Variants in ANTXRL observed in about 807,000 individuals in gnomAD.
ANTXRL encodes the protein ANTXR like.
ANTXRL carries 63 observed loss-of-function variants against 75.4 expected under a neutral mutation model. That is an observed-to-expected ratio of 0.84 (90% CI 0.68 to 1.03). The LOEUF is 1.03. Ranked by LOEUF, ANTXRL falls within the 50% of genes least tolerant of loss-of-function variation. ANTXRL has a pLI of 0.00. For missense variants in ANTXRL, 797 were observed against 789.4 expected (o/e 1.01, Z -0.12); for synonymous variants, 335 against 291.3 (o/e 1.15, Z -1.53).
chr10:46,310,750 G>A (rs782371626), intron 14 of ANTXRL, among the ~76,000 whole-genome samples: 48 of 152,092 alleles, frequency 3.2e-4, no homozygotes, highest in Non-Finnish European at 6.8e-4. Context: ...TTCAGCAACT[G>A]TGATGATCTG....
At chr10:46,300,010 G>A (rs1837621721) in intron 9 of ANTXRL, among the ~76,000 whole-genome samples, 1 of 152,224 alleles carries the variant, frequency 6.6e-6, no homozygotes, top group African/African-American at 2.4e-5. Flanking sequence ...CAGTGTGACA[G>A]CTGTGCTCCT....
At chr10:46,294,789 T>C (rs1247798397) in intron 3 of ANTXRL, among the ~76,000 whole-genome samples, 1 of 151,982 alleles carries the variant, frequency 6.6e-6, no homozygotes, top group Non-Finnish European at 1.5e-5. Context: ...GGGCATGGCC[T>C]CTTCTGGGTA....
At chr10:46,300,132 AG>A (rs1271625699) in intron 9 of ANTXRL, among the ~76,000 whole-genome samples, 1 of 152,170 alleles carries the variant, frequency 6.6e-6, no homozygotes, top group African/African-American at 2.4e-5. Flanking sequence ...TCGAGGTGGC[AG>A]GTGCCCTCTG....
At chr10:46,289,436 A>C (rs1218073714) in intron 1 of ANTXRL, among the ~76,000 whole-genome samples, 1 of 151,944 alleles carries the variant, frequency 6.6e-6, no homozygotes, top group East Asian at 1.9e-4. Context: ...GCGTATTGAA[A>C]CTCTATTCTC....
chr10:46,294,391 G>T (rs1227976594), intron 3 of ANTXRL, among the ~76,000 whole-genome samples: 3 of 152,046 alleles, frequency 2.0e-5, no homozygotes, highest in East Asian at 1.9e-4. Flanking sequence ...CCTGGGTGGG[G>T]TTCTGAGCTC....
chr10:46,296,786 G>A (rs1397634279), intron 5 of ANTXRL, among the ~76,000 whole-genome samples: 1 of 152,138 alleles, frequency 6.6e-6, no homozygotes, highest in Non-Finnish European at 1.5e-5. Context: ...GAACTCCTGG[G>A]CCCAGAGATG....
chr10:46,305,384 A>C (rs1260235792), intron 10 of ANTXRL, among the ~76,000 whole-genome samples: 1 of 152,234 alleles, frequency 6.6e-6, no homozygotes, highest in Non-Finnish European at 1.5e-5. Flanking sequence ...TTGCAATGGA[A>C]AATACATGCC....
In ANTXRL at chr10:46,287,652, C is replaced by T. The variant is rs1836819986; in HGVS notation, c.248+142C>T. ...AACTTTGGTCAGACCAGACCTAGGC[C>T]TCCTGTTTTTCTGAGGCAGAAAGAA... On this transcript the variant is annotated intron_variant, in intron 1 of 16. Coordinates refer to ENST00000620264, the MANE Select transcript of ANTXRL (RefSeq NM_001278688.3). 8 of 1,151,728 alleles carry T rather than the reference C, an allele frequency of 6.9e-6. No individual in the cohort carries two copies. The Middle Eastern group carries it at 8.0e-4, about 115-fold the overall frequency. The allele number at this position is 1,151,728 out of a possible 1,614,324, so 71.3% of individuals were successfully genotyped here. A position where few individuals can be genotyped will look rare whatever the true frequency, so the allele number is the denominator to read the frequency against.
chr10:46,293,598 T>G (rs1405976944), intron 2 of ANTXRL, among the ~76,000 whole-genome samples: 1 of 151,094 alleles, frequency 6.6e-6, no homozygotes, highest in African/African-American at 2.4e-5. Context: ...CAAGTGTCTT[T>G]GGGGTGTTGG....
intron 2 of ANTXRL, among the ~76,000 whole-genome samples, chr10:46,293,522 CCT>C (rs1260316279): frequency 0.017 from 677 of 39,106 alleles, 13 homozygotes; most frequent in African/African-American, 0.046. Flanking sequence ...TGTGTGTGTG[CCT>C]CTGTGTGTGC....
intron 1 of ANTXRL, 114 bp downstream of exon 1, chr10:46,287,624 C>T: frequency 1.4e-6 from 2 of 1,403,602 alleles, no homozygotes; most frequent in Non-Finnish European, 1.9e-6. Flanking sequence ...AGAAGCAGGG[C>T]CAAACTTTGG....
At chr10:46,322,682 G>T (rs1302821409) in intron 16 of ANTXRL, among the ~76,000 whole-genome samples, 1 of 152,090 alleles carries the variant, frequency 6.6e-6, no homozygotes, top group African/African-American at 2.4e-5. Flanking sequence ...CAAAGACTCA[G>T]GAAGGGCCAG....
chr10:46,309,297 T>C, intron 13 of ANTXRL, 95 bp downstream of exon 13: 1 of 1,522,818 alleles, frequency 6.6e-7, no homozygotes, highest in South Asian at 1.2e-5. Flanking sequence ...ATCCCGCCTG[T>C]GGGAAGTTTC....
At chr10:46,326,241 C>T (rs555968979) in intron 16 of ANTXRL, among the ~76,000 whole-genome samples, 2 of 152,118 alleles carry the variant, frequency 1.3e-5, no homozygotes, top group South Asian at 2.1e-4. Flanking sequence ...CAGGGTGACT[C>T]ACCCCTGCCC....
chr10:46,310,085 G>A (rs1457710380), intron 13 of ANTXRL, among the ~76,000 whole-genome samples: 2 of 152,166 alleles, frequency 1.3e-5, no homozygotes, highest in African/African-American at 4.8e-5. Context: ...TGGGAGGTCA[G>A]GGAGGGCTCC....
At position 46,309,865 on chromosome 10, in the gene ANTXRL, C is replaced by T. The variant is rs143929488; in HGVS notation, c.1135-596C>T. On this transcript the variant is annotated intron_variant, in intron 13 of 16. Coordinates refer to ENST00000620264, the MANE Select transcript of ANTXRL (RefSeq NM_001278688.3). ...GGAGTGGGAAGGGCTCCCTGTAAGG[C>T]GGAGCAGGACCCAAAAGCAGAGATG... Among the ~76,000 whole-genome samples, 198 of 152,232 alleles carry T rather than the reference C, an allele frequency of 1.3e-3. 3 individuals are homozygous for T. Among genetic ancestry groups the T allele is most frequent in the Non-Finnish European group, 2.4e-3 (164 of 68,008 alleles).
intron 9 of ANTXRL, 67 bp downstream of exon 9, chr10:46,298,129 G>A: frequency 8.7e-7 from 1 of 1,152,568 alleles, no homozygotes; most frequent in Non-Finnish European, 1.2e-6. Context: ...TGTATGGAGT[G>A]TGTGCATTTG....
chr10:46,328,444 C>T (rs1437535627), intron 16 of ANTXRL, among the ~76,000 whole-genome samples: 9 of 152,096 alleles, frequency 5.9e-5, no homozygotes, highest in Admixed American at 1.3e-4. Context: ...TCTGGAGCTC[C>T]AGCCATCACA....
intron 1 of ANTXRL, among the ~76,000 whole-genome samples, chr10:46,291,136 C>G (rs1836964467): frequency 1.3e-5 from 2 of 152,142 alleles, no homozygotes; most frequent in Admixed American, 6.5e-5. Flanking sequence ...CAACTTCATT[C>G]TTTTGCACAT....
Sources: allele counts gnomAD v4.1 joint callset (sites outside exome capture counted in the v4.1 genomes callset), GRCh38; gene constraint gnomAD v4.1.1; transcripts MANE v1.5; gene names NCBI Gene and HGNC (gene_info 2026-07-23, HGNC 2026-07-21).